LIN28B: variants seen among roughly 807,000 people sequenced by gnomAD.
The protein encoded by LIN28B is protein lin-28 homolog B.
A neutral mutation model predicts 21.9 loss-of-function variants in LIN28B; 5 were observed. That is an observed-to-expected ratio of 0.23 (90% CI 0.12 to 0.48). LIN28B has a LOEUF of 0.48. LIN28B is among the 20% of genes least tolerant of loss of function. LIN28B has a pLI of 0.98. For synonymous variants in LIN28B, 109 were observed against 111.3 expected, an observed-to-expected ratio of 0.98 and a Z score of 0.13; for missense variants, 245 against 310.5, an observed-to-expected ratio of 0.79 and a Z score of 1.58.
chr6:105,058,004 TTTAA>T (rs1772053569), intron 3 of LIN28B: 1 of 360,632 alleles, frequency 2.8e-6, no homozygotes, highest in Non-Finnish European at 5.3e-6. Flanking sequence ...CCCTTATTTA[TTTAA>T]TTATTTTGTC....
chr6:104,953,743 G>T (rs1013121305), upstream of LIN28B, among the ~76,000 whole-genome samples: 3 of 152,220 alleles, frequency 2.0e-5, no homozygotes, highest in African/African-American at 7.2e-5. Context: ...GGAGCGACCT[G>T]CCTGGAGAGG....
In LIN28B at chr6:105,078,432, C is replaced by G; in HGVS notation, c.402C>G (p.Gly134=). The part of the protein sequence containing the change: ...PKGDRCYNCG[G]LDHHAKECSL... ...CTTGTAGATGCTACAACTGTGGTGG[C>G]CTTGATCATCATGCTAAGGAATGTA... The change falls in exon 4 of 4, where the codon GGC becomes GGG. Residue 134 remains glycine (G), a synonymous_variant. Coordinates refer to ENST00000345080, the MANE Select transcript of LIN28B (RefSeq NM_001004317.4). 1 of 1,605,806 alleles carries G rather than the reference C, an allele frequency of 6.2e-7. No individual in the cohort carries two copies. The highest frequency in any genetic ancestry group is 8.5e-7 in the Non-Finnish European group (1 of 1,173,074).
At chr6:105,030,586 TTC>T (rs1771399928) in intron 3 of LIN28B, among the ~76,000 whole-genome samples, 1 of 149,254 alleles carries the variant, frequency 6.7e-6, no homozygotes, top group Non-Finnish European at 1.5e-5. Flanking sequence ...ATTTCTTTCT[TTC>T]TTTCTTTTTT....
chr6:104,985,224 T>G (rs2114257812), intron 2 of LIN28B, among the ~76,000 whole-genome samples: 1 of 152,342 alleles, frequency 6.6e-6, no homozygotes, highest in African/African-American at 2.4e-5. Context: ...GCATACACAT[T>G]TATTTAATAT....
At chr6:105,022,606 T>C (rs763569617) in intron 2 of LIN28B, among the ~76,000 whole-genome samples, 17 of 152,160 alleles carry the variant, frequency 1.1e-4, no homozygotes, top group Non-Finnish European at 2.2e-4. Context: ...GAGGTCTTAC[T>C]GACTCAGAGT....
intron 3 of LIN28B, among the ~76,000 whole-genome samples, chr6:105,067,358 A>G (rs1033772497): frequency 6.6e-6 from 1 of 152,232 alleles, no homozygotes; most frequent in Non-Finnish European, 1.5e-5. Context: ...CTACAACAGC[A>G]AAAATGCATG....
intron 2 of LIN28B, among the ~76,000 whole-genome samples, chr6:105,015,084 T>G (rs996497600): frequency 2.6e-5 from 4 of 152,144 alleles, no homozygotes; most frequent in African/African-American, 7.2e-5. Context: ...TAAATGAATT[T>G]TTCCCCCAGT....
At chr6:105,007,358 A>G (rs1770838482) in intron 2 of LIN28B, among the ~76,000 whole-genome samples, 1 of 152,206 alleles carries the variant, frequency 6.6e-6, no homozygotes, top group African/African-American at 2.4e-5. Flanking sequence ...GATGCTTGAA[A>G]GAATCGTGGG....
chr6:104,965,925 A>G (rs1230824303), intron 2 of LIN28B, among the ~76,000 whole-genome samples: 3 of 152,236 alleles, frequency 2.0e-5, no homozygotes, highest in African/African-American at 4.8e-5. Context: ...GTAAGATAGT[A>G]TAGAATGATA....
intron 2 of LIN28B, among the ~76,000 whole-genome samples, chr6:105,008,175 A>G (rs1291998515): frequency 6.6e-6 from 1 of 152,228 alleles, no homozygotes; most frequent in Admixed American, 6.5e-5. Flanking sequence ...TATTTTAAGC[A>G]ATAAAATGCT....
chr6:105,028,357 T>C (rs780410180), intron 3 of LIN28B, among the ~76,000 whole-genome samples: 7 of 152,206 alleles, frequency 4.6e-5, no homozygotes, highest in Admixed American at 2.0e-4. Flanking sequence ...CAGAGTATCA[T>C]TCTGGCAGCT....
intron 2 of LIN28B, among the ~76,000 whole-genome samples, chr6:104,992,506 GTGTGTGTGTT>G (rs1007944101): frequency 7.9e-5 from 9 of 113,838 alleles, no homozygotes; most frequent in African/African-American, 2.7e-4. Flanking sequence ...GTGTGTGTGT[GTGTGTGTGTT>G]TTTTTTTTAA....
At chr6:105,076,418 G>T (rs193147643) in intron 3 of LIN28B, among the ~76,000 whole-genome samples, 270 of 152,190 alleles carry the variant, frequency 1.8e-3, no homozygotes, top group African/African-American at 5.7e-3. Flanking sequence ...TTCAATTTAT[G>T]CCAGGAGATA....
In LIN28B at chr6:105,028,516, G is replaced by A. The variant is rs191120856; in HGVS notation, c.383+2034G>A. 4.8e-4 allele frequency among the ~76,000 whole-genome samples: 73 copies of A among 152,228 alleles called. 1 individual carries two copies. In the Middle Eastern group the frequency reaches 0.01, roughly 21 times the overall value. Reference sequence around the variant, plus strand: ...AACAAAAATTCTGATATGTTTTGAAGGAAGAGACCATAGAATTTACTGATG... The same window carrying A: ...AACAAAAATTCTGATATGTTTTGAAAGAAGAGACCATAGAATTTACTGATG... On this transcript the variant is annotated intron_variant, in intron 3 of 3. Coordinates refer to ENST00000345080, the MANE Select transcript of LIN28B (RefSeq NM_001004317.4).
At chr6:105,049,991 G>A (rs1278847206) in intron 3 of LIN28B, among the ~76,000 whole-genome samples, 1 of 152,096 alleles carries the variant, frequency 6.6e-6, no homozygotes, top group African/African-American at 2.4e-5. Flanking sequence ...GGAGCATTTA[G>A]CCCATTTACA....
chr6:104,981,985 A>G (rs930186830), intron 2 of LIN28B, among the ~76,000 whole-genome samples: 2 of 152,166 alleles, frequency 1.3e-5, no homozygotes, highest in Non-Finnish European at 2.9e-5. Flanking sequence ...GTGTTTGTGC[A>G]TAGTGATGAT....
intron 3 of LIN28B, among the ~76,000 whole-genome samples, chr6:105,033,249 T>G (rs559168268): frequency 6.6e-6 from 1 of 152,144 alleles, no homozygotes; most frequent in Non-Finnish European, 1.5e-5. Context: ...CATTTTTGGT[T>G]AAAAATTGAA....
Position 105,081,593 on chromosome 6 carries a change from GT to G in LIN28B, c.*2814del, listed in dbSNP as rs1772542780. 6.6e-6 allele frequency: 1 copy of G among 152,242 alleles called. No individual in the cohort carries two copies. The highest frequency in any genetic ancestry group is 2.1e-4 in the South Asian group (1 of 4,828). The allele number at this position is 152,242 out of a possible 1,614,324, so 9.4% of individuals were successfully genotyped here. A position where few individuals can be genotyped will look rare whatever the true frequency, so the allele number is the denominator to read the frequency against. On this transcript the variant is annotated 3_prime_UTR_variant, in exon 4 of 4. Transcript: ENST00000345080. ...ACACTTGTGAATAATGAAGCATCTC[GT>G]TTTAGTTAGCAAAGTCTCCAAACAT...
intron 2 of LIN28B, among the ~76,000 whole-genome samples, chr6:104,991,073 G>A (rs1770456741): frequency 6.6e-6 from 1 of 152,328 alleles, no homozygotes; most frequent in Non-Finnish European, 1.5e-5. Flanking sequence ...ATGAGCTGTT[G>A]GGTACACCTC....
Sources: gnomAD v4.1 joint callset for allele counts (sites outside exome capture counted in the v4.1 genomes callset) on GRCh38, gnomAD v4.1.1 for gene constraint, MANE v1.5 for transcripts, NCBI Gene and HGNC (gene_info 2026-07-23, HGNC 2026-07-21) for gene names.